HYCC2: variants seen among roughly 807,000 people sequenced by gnomAD.
HYCC2 encodes hyccin PI4KA lipid kinase complex subunit 2.
the HYCC2 span, among the ~76,000 whole-genome samples, chr2:201,033,269 T>C: frequency 6.6e-6 from 1 of 151,432 alleles, no homozygotes; most frequent in Non-Finnish European, 1.5e-5. Context: ...CAATCAGGGC[T>C]CACTGCAGCC....
chr2:200,981,686 T>A, the HYCC2 span: 12 of 1,614,052 alleles, frequency 7.4e-6, no homozygotes, highest in East Asian at 2.7e-4. The surrounding 1 kb of genome is among the most constrained non-coding windows in gnomAD (Gnocchi z 4.5). Flanking sequence ...CTGGATTTGA[T>A]GGCAGAGGCT....
the HYCC2 span, among the ~76,000 whole-genome samples, chr2:201,016,454 A>G: frequency 1.3e-5 from 2 of 152,086 alleles, no homozygotes; most frequent in African/African-American, 4.8e-5. Flanking sequence ...ATGCCCAGCT[A>G]ATTTTTTATA....
the HYCC2 span, chr2:201,022,938 A>C: frequency 1.3e-6 from 2 of 1,595,086 alleles, no homozygotes; most frequent in African/African-American, 2.7e-5. Flanking sequence ...AATGCCTAAA[A>C]GAAACCACCA....
At chr2:201,042,724 C>A in the HYCC2 span, among the ~76,000 whole-genome samples, 1 of 151,324 alleles carries the variant, frequency 6.6e-6, no homozygotes, top group African/African-American at 2.4e-5. Context: ...CCCGGCCAGC[C>A]GCCCCGTCCG....
At chr2:200,992,403 A>C in the HYCC2 span, 2 of 1,338,304 alleles carry the variant, frequency 1.5e-6, no homozygotes, top group East Asian at 4.6e-5. Context: ...CTCTTGAGCA[A>C]ATATCTAATC....
At chr2:201,051,873 T>C in the HYCC2 span, among the ~76,000 whole-genome samples, 1 of 152,084 alleles carries the variant, frequency 6.6e-6, no homozygotes. Context: ...ACCAAGACCA[T>C]AGAGAACACC....
chr2:200,976,007 T>C, the HYCC2 span: 1 of 152,136 alleles, frequency 6.6e-6, no homozygotes, highest in Non-Finnish European at 1.5e-5. Flanking sequence ...TGACTCATAA[T>C]TTTATTAGCA....
chr2:201,054,334 A>G, the HYCC2 span, among the ~76,000 whole-genome samples: 3 of 152,230 alleles, frequency 2.0e-5, no homozygotes, highest in Non-Finnish European at 4.4e-5. Flanking sequence ...TCTCATTGCA[A>G]TAAACTATAA....
the HYCC2 span, among the ~76,000 whole-genome samples, chr2:201,056,191 C>A: frequency 6.9e-6 from 1 of 145,674 alleles, no homozygotes; most frequent in African/African-American, 2.7e-5. Flanking sequence ...GAGACTCCGT[C>A]TCAAAAAAAA....
the HYCC2 span, among the ~76,000 whole-genome samples, chr2:201,021,147 GTTTC>G: frequency 6.6e-6 from 1 of 152,092 alleles, no homozygotes; most frequent in South Asian, 2.1e-4. Flanking sequence ...TAGTATGTTT[GTTTC>G]TTTCAGAATA....
the HYCC2 span, among the ~76,000 whole-genome samples, chr2:200,984,336 G>A: frequency 1.3e-5 from 2 of 152,084 alleles, no homozygotes; most frequent in Non-Finnish European, 2.9e-5. Flanking sequence ...CATCGTGCCT[G>A]GCCAGTTTAG....
the HYCC2 span, among the ~76,000 whole-genome samples, chr2:201,019,301 C>T: frequency 1.3e-5 from 2 of 152,126 alleles, no homozygotes; most frequent in African/African-American, 4.8e-5. Flanking sequence ...TCAGTAGCAA[C>T]AGGTACACTG....
chr2:201,035,612 A>G, the HYCC2 span, among the ~76,000 whole-genome samples: 1 of 152,170 alleles, frequency 6.6e-6, no homozygotes, highest in African/African-American at 2.4e-5. Context: ...CATCAAAGTC[A>G]TTCTCCGTCC....
the HYCC2 span, among the ~76,000 whole-genome samples, chr2:201,033,567 C>A: frequency 6.6e-6 from 1 of 151,732 alleles, no homozygotes; most frequent in South Asian, 2.1e-4. Flanking sequence ...CCACGCCCGG[C>A]TAATTTTTTT....
the HYCC2 span, among the ~76,000 whole-genome samples, chr2:200,988,616 C>A: frequency 1.8e-4 from 28 of 152,176 alleles, no homozygotes; most frequent in Non-Finnish European, 7.3e-5. Flanking sequence ...ACATACCCCA[C>A]TGATGCCTTA....
chr2:200,985,520 G>A, the HYCC2 span, among the ~76,000 whole-genome samples: 8 of 152,034 alleles, frequency 5.3e-5, no homozygotes, highest in Admixed American at 6.6e-5. Flanking sequence ...AAAACTAGCC[G>A]GCTGTGGTGG....
chr2:201,005,581 A>C, the HYCC2 span, among the ~76,000 whole-genome samples: 1 of 152,228 alleles, frequency 6.6e-6, no homozygotes, highest in Non-Finnish European at 1.5e-5. Context: ...CATCTGGCAA[A>C]ATTAGGATTG....
At chr2:201,034,431 C>G in the HYCC2 span, among the ~76,000 whole-genome samples, 1 of 152,078 alleles carries the variant, frequency 6.6e-6, no homozygotes. Flanking sequence ...ATTGCAACCC[C>G]TGCTTTTTTT....
the HYCC2 span, among the ~76,000 whole-genome samples, chr2:201,027,406 TC>T: frequency 6.6e-6 from 1 of 152,130 alleles, no homozygotes; most frequent in African/African-American, 2.4e-5. Flanking sequence ...CTGGCACCAT[TC>T]CTTCTAAAAC....
Sources: allele counts gnomAD v4.1 joint callset (sites outside exome capture counted in the v4.1 genomes callset), GRCh38; gene constraint gnomAD v4.1.1; non-coding constraint Gnocchi (gnomAD v3.1); transcripts MANE v1.5; gene names NCBI Gene and HGNC (gene_info 2026-07-23, HGNC 2026-07-21).